Variants in LPP observed in about 807,000 individuals in gnomAD.
LPP encodes LIM domain containing preferred translocation partner in lipoma, also known as lipoma-preferred partner.
Under a neutral mutation model 60.4 loss-of-function variants are expected in LPP, and 38 were observed. That is an observed-to-expected ratio of 0.63 (90% confidence interval 0.49 to 0.83). The LOEUF (loss-of-function observed/expected upper bound fraction) is 0.83. Ranked by LOEUF, LPP falls within the 40% of genes least tolerant of loss-of-function variation. The probability of loss-of-function intolerance (pLI) is 0.00; values close to 1 mark genes in which losing one functional copy is unlikely to be tolerated. For missense variants in LPP, 902 were observed against 783.6 expected (o/e 1.15, Z -1.80); for synonymous variants, 328 against 290.8 (o/e 1.13, Z -1.30).
At chr3:188,267,909 A>G (rs746819306) in intron 2 of LPP, among the ~76,000 whole-genome samples, 3 of 151,928 alleles carry the variant, frequency 2.0e-5, no homozygotes, top group South Asian at 2.1e-4. Context: ...TCGTTCTTAC[A>G]CTCAGCTGAG....
rs9817266 is a variant in LPP, at chr3:188,352,479, C to T, written c.-10+10760C>T. 0.52 allele frequency among the ~76,000 whole-genome samples: 79,524 copies of T among 152,026 alleles called. 21,508 individuals are homozygous for T. The highest frequency in any genetic ancestry group is 0.62 in the Middle Eastern group (181 of 294). On this transcript the variant is annotated intron_variant, in intron 3 of 11. Transcript: ENST00000617246. This position sits in a 1 kb window ranked among gnomAD's most constrained non-coding sequence, Gnocchi z 4.4. ...GCCTCTTCGGGAGCTGTGTGACTGG[C>T]GAGCCCTCAGTTGCCACTTGGAAAC...
chr3:188,177,953 C>T (rs1348528697), intron 1 of LPP, among the ~76,000 whole-genome samples: 1 of 152,200 alleles, frequency 6.6e-6, no homozygotes, highest in Non-Finnish European at 1.5e-5. Flanking sequence ...GTTCTAAGCC[C>T]TGGCCAATTC....
chr3:188,803,363 T>G (rs1747916883), intron 9 of LPP, among the ~76,000 whole-genome samples: 1 of 152,202 alleles, frequency 6.6e-6, no homozygotes, highest in African/African-American at 2.4e-5. Flanking sequence ...AGTTTTCTTT[T>G]GTTCTGTTAT....
chr3:188,343,308 A>C (rs1389367138), intron 3 of LPP, among the ~76,000 whole-genome samples: 1 of 152,196 alleles, frequency 6.6e-6, no homozygotes, highest in Middle Eastern at 3.2e-3. Flanking sequence ...AAAAGAGAAC[A>C]TTGTTTTTAA....
chr3:188,748,952 AC>A (rs748433066), intron 8 of LPP, among the ~76,000 whole-genome samples: 54 of 152,154 alleles, frequency 3.5e-4, no homozygotes, highest in Non-Finnish European at 6.8e-4. Context: ...GCTCTGCAGA[AC>A]CCACTCAGTA....
At chr3:188,733,290 CGTGTGTGTGTGTGT>C (rs10576864) in intron 8 of LPP, among the ~76,000 whole-genome samples, 1 of 147,064 alleles carries the variant, frequency 6.8e-6, no homozygotes, top group East Asian at 2.1e-4. Flanking sequence ...TCACCAAAAA[CGTGTGTGTGTGTGT>C]GTGTGTGTGT....
intron 4 of LPP, among the ~76,000 whole-genome samples, chr3:188,454,939 TAA>T (rs895039906): frequency 1.3e-5 from 2 of 152,220 alleles, no homozygotes; most frequent in African/African-American, 4.8e-5. Flanking sequence ...CCTGCTTATC[TAA>T]AGTTTTAGAA....
At chr3:188,855,012 C>T (rs1428858753) in intron 9 of LPP, among the ~76,000 whole-genome samples, 1 of 152,110 alleles carries the variant, frequency 6.6e-6, no homozygotes, top group African/African-American at 2.4e-5. Flanking sequence ...ACTCTGTATA[C>T]ACATAGCTGA....
chr3:188,404,437 G>T (rs1276242966), intron 3 of LPP, among the ~76,000 whole-genome samples: 1 of 152,112 alleles, frequency 6.6e-6, no homozygotes, highest in Non-Finnish European at 1.5e-5. Flanking sequence ...TAGAGACCGA[G>T]TCTCATTCTA....
intron 8 of LPP, 48 bp from the exon 9 acceptor site, chr3:188,760,065 G>T (rs772020319): frequency 1.3e-6 from 2 of 1,588,222 alleles, no homozygotes; most frequent in Non-Finnish European, 1.7e-6. Flanking sequence ...GCTTTAGCAG[G>T]ACTGAAGTAC....
chr3:188,524,710 G>A lies in LPP; in HGVS notation c.352G>A (p.Asp118Asn), dbSNP rs1376949505. The A allele has an allele frequency of 6.8e-6, 11 of 1,614,124 alleles. No homozygotes were observed. The highest frequency in any genetic ancestry group is 9.3e-6 in the Non-Finnish European group (11 of 1,179,994). Residue 118 changes from aspartate (D) to asparagine (N), a missense_variant, in exon 6 of 12, where the codon GAC becomes AAC. Physicochemically the swap from Asp to Asn is conservative, Grantham distance 23. Coordinates refer to ENST00000617246, the MANE Select transcript of LPP (RefSeq NM_001375462.1). The part of the protein sequence containing the change: ...KTLEERRSSL[D>N]AEIDSLTSIL... The stretch of plus-strand genomic sequence containing the variant: ...ACTTGAGGAGAGGCGCTCCAGCCTG[G>A]ACGCTGAGATTGACTCCTTGACCAG...
At chr3:188,382,626 G>T (rs545609237) in intron 3 of LPP, among the ~76,000 whole-genome samples, 1 of 152,020 alleles carries the variant, frequency 6.6e-6, no homozygotes, top group Admixed American at 6.6e-5. Context: ...GATTTTAAAC[G>T]CCTTTGGACA....
intron 1 of LPP, among the ~76,000 whole-genome samples, chr3:188,159,419 T>G (rs972566924): frequency 5.9e-5 from 9 of 152,150 alleles, no homozygotes; most frequent in African/African-American, 2.2e-4. Context: ...AGCTGTTTGG[T>G]GAATGAACAA....
intron 6 of LPP, among the ~76,000 whole-genome samples, chr3:188,556,419 A>AATAT: frequency 1.3e-5 from 2 of 152,212 alleles, no homozygotes; most frequent in South Asian, 4.1e-4. Flanking sequence ...GCAAAAATTA[A>AATAT]ACATATACCA....
intron 6 of LPP, among the ~76,000 whole-genome samples, chr3:188,601,333 G>A (rs1230554416): frequency 1.3e-5 from 2 of 151,904 alleles, no homozygotes; most frequent in Non-Finnish European, 2.9e-5. Flanking sequence ...TATGCTCTCT[G>A]GTCATTTCCA....
At chr3:188,837,378 CAAACATA>C (rs1758724038) in intron 9 of LPP, among the ~76,000 whole-genome samples, 1 of 67,006 alleles carries the variant, frequency 1.5e-5, no homozygotes, top group Admixed American at 1.8e-4. Context: ...GACTCCATCT[CAAACATA>C]ATAATAATAA....
chr3:188,436,268 G>A (rs2149208640), intron 4 of LPP, among the ~76,000 whole-genome samples: 1 of 152,268 alleles, frequency 6.6e-6, no homozygotes, highest in East Asian at 1.9e-4. Flanking sequence ...AGATAAGGTG[G>A]ATCATCTTAA....
intron 1 of LPP, among the ~76,000 whole-genome samples, chr3:188,193,212 T>C (rs1314276736): frequency 6.6e-6 from 1 of 152,174 alleles, no homozygotes; most frequent in East Asian, 1.9e-4. Context: ...TTTATTACTG[T>C]ACAAGAAGAA....
intron 4 of LPP, among the ~76,000 whole-genome samples, chr3:188,441,609 C>CTTTTCTTTTT (rs1793896698): frequency 3.6e-5 from 2 of 55,648 alleles, no homozygotes; most frequent in African/African-American, 1.5e-4. Flanking sequence ...CTTTTCTTTT[C>CTTTTCTTTTT]TTTTTTTTTT....
Sources: allele counts gnomAD v4.1 joint callset (sites outside exome capture counted in the v4.1 genomes callset), GRCh38; gene constraint gnomAD v4.1.1; non-coding constraint Gnocchi (gnomAD v3.1); transcripts MANE v1.5; gene names NCBI Gene and HGNC (gene_info 2026-07-23, HGNC 2026-07-21).